Variants in ADD2 observed in about 807,000 individuals in gnomAD.
The protein encoded by ADD2 is beta-adducin.
Under a neutral mutation model 83.0 loss-of-function variants are expected in ADD2, and 23 were observed. The ratio of observed to expected loss-of-function variants is 0.28; its 90% CI spans 0.20 to 0.39. The LOEUF is 0.39. Among genes scored for constraint, ADD2 ranks in the 10% least tolerant of loss-of-function variants. The probability of loss-of-function intolerance (pLI) is 1.00; values close to 1 mark genes in which losing one functional copy is unlikely to be tolerated. For missense variants in ADD2, 758 were observed against 944.9 expected, an observed-to-expected ratio of 0.80 and a Z score of 2.59; for synonymous variants, 375 against 375.4, an observed-to-expected ratio of 1.00 and a Z score of 0.01.
rs1670138235 is a variant in ADD2, at chr2:70,676,391, T to C, written c.1593+405A>G. 8.8e-7 allele frequency: 1 copy of C among 1,136,342 alleles called. No individual in the cohort carries two copies. The highest frequency in any genetic ancestry group is 1.1e-6 in the Non-Finnish European group (1 of 924,462). The allele number at this position is 1,136,342 out of a possible 1,614,324, so 70.4% of individuals were successfully genotyped here. ...TCTTTCCAGAGCTCTGGTTGGATGATGTCATACCAGGCTCAGAGGTCAGAG... is the reference window on the plus strand; with the variant it reads ...TCTTTCCAGAGCTCTGGTTGGATGACGTCATACCAGGCTCAGAGGTCAGAG... On this transcript the variant is annotated intron_variant, in intron 13 of 15. Transcript: ENST00000264436. This position sits in a 1 kb window ranked among gnomAD's most constrained non-coding sequence, Gnocchi z 4.8.
chr2:70,674,206 T>G (rs782454416), intron 14 of ADD2, among the ~76,000 whole-genome samples: 3 of 152,100 alleles, frequency 2.0e-5, no homozygotes, highest in Non-Finnish European at 4.4e-5. Context: ...AACAAGGGCA[T>G]ACAAGCTACT....
intron 1 of ADD2, among the ~76,000 whole-genome samples, chr2:70,753,321 A>G (rs1182460592): frequency 6.6e-6 from 1 of 152,136 alleles, no homozygotes; most frequent in Non-Finnish European, 1.5e-5. Flanking sequence ...GAATAGCCTC[A>G]GTGCCATAAA....
At chr2:70,681,388 C>T (rs1461337127) in intron 10 of ADD2, among the ~76,000 whole-genome samples, 1 of 152,190 alleles carries the variant, frequency 6.6e-6, no homozygotes, top group African/African-American at 2.4e-5. Flanking sequence ...TGGCTCACAC[C>T]TGTAATTTCA....
At chr2:70,677,995 C>T in intron 11 of ADD2, 118 bp from the exon 12 acceptor site, 2 of 1,337,912 alleles carry the variant, frequency 1.5e-6, no homozygotes, top group Non-Finnish European at 2.1e-6. Context: ...CAAGCCTACT[C>T]ATAGACACTC....
intron 1 of ADD2, among the ~76,000 whole-genome samples, chr2:70,755,788 C>T (rs549818360): frequency 8.2e-4 from 125 of 152,218 alleles, no homozygotes; most frequent in African/African-American, 2.5e-3. Context: ...CGGCCGGGCA[C>T]GGTGGCTCAC....
intron 15 of ADD2, among the ~76,000 whole-genome samples, chr2:70,664,783 G>A (rs782247815): frequency 7.2e-5 from 11 of 151,958 alleles, no homozygotes; most frequent in South Asian, 2.1e-4. Flanking sequence ...GAGTGGGCAG[G>A]TTGTGTGTGG....
chr2:70,692,941 G>A (rs1553371977), intron 6 of ADD2, among the ~76,000 whole-genome samples: 2 of 152,128 alleles, frequency 1.3e-5, no homozygotes, highest in Non-Finnish European at 2.9e-5. Flanking sequence ...AAAGAGTCAT[G>A]CACAGAATTC....
intron 6 of ADD2, among the ~76,000 whole-genome samples, chr2:70,695,078 T>G (rs1189324671): frequency 1.4e-5 from 2 of 147,250 alleles, no homozygotes; most frequent in Non-Finnish European, 1.5e-5. Context: ...GCCTGGACTT[T>G]TGAGTGAGTA....
rs782109483 is a variant in ADD2, at chr2:70,676,697, GGGTAT to G, written c.1593+94_1593+98del. ...GGCACCCAAGATCACAGGGGAAGGT[GGGTAT>G]GAGGACTCAGGGGTCCTGCAACCCA... is the stretch of plus-strand genomic sequence containing the variant. On this transcript the variant is annotated intron_variant, in intron 13 of 15. Coordinates refer to ENST00000264436, the MANE Select transcript of ADD2 (RefSeq NM_001617.4). This position sits in a 1 kb window ranked among gnomAD's most constrained non-coding sequence, Gnocchi z 4.8. The G allele has an allele frequency of 6.4e-7, 1 of 1,556,746 alleles. No individual in the cohort carries two copies. The highest frequency in any genetic ancestry group is 1.4e-5 in the African/African-American group (1 of 73,452).
At chr2:70,736,250 T>A (rs1160708292) in intron 1 of ADD2, among the ~76,000 whole-genome samples, 8 of 152,090 alleles carry the variant, frequency 5.3e-5, no homozygotes, top group African/African-American at 1.9e-4. Context: ...GTCAAAGAGG[T>A]ACTAGTTGGA....
At chr2:70,667,052 A>AC (rs1353127235) in intron 15 of ADD2, among the ~76,000 whole-genome samples, 4 of 151,928 alleles carry the variant, frequency 2.6e-5, no homozygotes, top group Non-Finnish European at 5.9e-5. Context: ...GATAGCCTAG[A>AC]CCCCTCCTCT....
In ADD2 at chr2:70,715,209, G is replaced by T. The variant is rs781917312; in HGVS notation, c.-153-2025C>A. ...CAAGTTTTAATGAGAGAAGGGAAGA[G>T]AAAGAGGCCTAATGCCAGGGCTGCT... is the stretch of plus-strand genomic sequence containing the variant. On this transcript the variant is annotated intron_variant, in intron 1 of 15. Transcript: ENST00000264436. 6.6e-5 allele frequency among the ~76,000 whole-genome samples: 10 copies of T among 152,180 alleles called. 1 individual carries two copies. The South Asian group carries it at 8.3e-4, about 13-fold the overall frequency.
Position 70,663,703 on chromosome 2 carries a change from C to T in ADD2, c.1903G>A (p.Ala635Thr), listed in dbSNP as rs149050833. ...TGGGTTGTTTCGGGCTCTGTGGTGGCGGCTTTGCTTGTTTCTGTCTTCTTA... is the reference window on the plus strand; with the variant it reads ...TGGGTTGTTTCGGGCTCTGTGGTGGTGGCTTTGCTTGTTTCTGTCTTCTTA... ...GTKKTETSKA[A>T]TTEPETTQPE... is the part of the protein sequence containing the mutation. The change falls in exon 16 of 16, where the codon GCC (alanine) becomes ACC (threonine). Residue 635 changes from alanine to threonine, a missense_variant. Around this residue, in one of 5 missense-constraint regions of ADD2, gnomAD observed 165 missense variants for 176.2 expected, o/e 0.94. Transcript: ENST00000264436. 95 of 1,614,010 alleles carry T rather than the reference C, an allele frequency of 5.9e-5. No individual in the cohort carries two copies. The Middle Eastern group carries it at 1.8e-3, about 31-fold the overall frequency.
chr2:70,676,152 T>C lies in ADD2; in HGVS notation c.1593+644A>G. On this transcript the variant is annotated intron_variant, in intron 13 of 15. Coordinates refer to ENST00000264436, the MANE Select transcript of ADD2 (RefSeq NM_001617.4). The surrounding 1 kb of genome is among the most constrained non-coding windows in gnomAD (Gnocchi z 4.8). ...GGAAAATGTCATGCCCATTGCTACC[T>C]TGCAAGGAGCAGCAGTGATTTCAAA... 1.0e-6 allele frequency: 1 copy of C among 985,532 alleles called. No homozygotes were observed. The highest frequency in any genetic ancestry group is 1.2e-6 in the Non-Finnish European group (1 of 829,980). 61.0% of individuals were successfully genotyped at this position (985,532 alleles called of 1,614,324 possible).
intron 6 of ADD2, among the ~76,000 whole-genome samples, chr2:70,693,641 C>T (rs1309443471): frequency 2.6e-5 from 4 of 152,168 alleles, no homozygotes; most frequent in African/African-American, 7.2e-5. Context: ...TTCAAAGCAG[C>T]GTGACCCCTA....
At chr2:70,728,328 G>C (rs782414725) in intron 1 of ADD2, among the ~76,000 whole-genome samples, 2 of 152,146 alleles carry the variant, frequency 1.3e-5, no homozygotes, top group African/African-American at 2.4e-5. Flanking sequence ...ACAGAGTCGG[G>C]AAGGCCCTTA....
At chr2:70,724,536 AG>A (rs1392889286) in intron 1 of ADD2, among the ~76,000 whole-genome samples, 1 of 151,918 alleles carries the variant, frequency 6.6e-6, no homozygotes, top group East Asian at 1.9e-4. Flanking sequence ...AGCTCAGGCC[AG>A]GTTGCATGGC....
At chr2:70,717,782 G>C (rs1274112472) in intron 1 of ADD2, 1 of 152,288 alleles carries the variant, frequency 6.6e-6, no homozygotes, top group Non-Finnish European at 1.5e-5. Context: ...TAAGGGACTG[G>C]ACCGCACCCT....
rs143170385 is a variant in ADD2 at position 70,695,934 on chromosome 2, C to G, written c.475-133G>C. On this transcript the variant is annotated intron_variant, in intron 5 of 15. Transcript: ENST00000264436. ...CTCTAATGAACCCTTATCTCTCCCC[C>G]CCAGCCATAAGAGATAAAAAGAACT... The G allele has an allele frequency of 1.8e-3, 1,427 of 773,956 alleles. 12 individuals carry two copies. Among genetic ancestry groups the G allele is most frequent in the African/African-American group, 0.017 (994 of 57,618 alleles). 47.9% of individuals were successfully genotyped at this position (773,956 alleles called of 1,614,324 possible).
Sources: gnomAD v4.1 joint callset for allele counts (sites outside exome capture counted in the v4.1 genomes callset) on GRCh38, gnomAD v4.1.1 for gene constraint, gnomAD v4.1.1 regional missense constraint, Gnocchi (gnomAD v3.1) non-coding constraint, MANE v1.5 for transcripts, NCBI Gene and HGNC (gene_info 2026-07-23, HGNC 2026-07-21) for gene names.